Variants in ZZEF1 observed in about 807,000 individuals in gnomAD.
ZZEF1 encodes the protein zinc finger ZZ-type and EF-hand domain-containing protein 1.
A neutral mutation model predicts 342.8 loss-of-function variants in ZZEF1; 157 were observed. The ratio of observed to expected loss-of-function variants is 0.46; its 90% CI spans 0.40 to 0.52. The LOEUF is 0.52. Ranked by LOEUF, ZZEF1 falls within the 20% of genes least tolerant of loss-of-function variation. The pLI, the probability that ZZEF1 is intolerant of heterozygous loss-of-function variation, is 0.00. For missense variants in ZZEF1, 3,480 were observed against 3,725.6 expected (o/e 0.93, Z 1.72); for synonymous variants, 1,505 against 1,429.1 (o/e 1.05, Z -1.20).
rs150302422 is a variant in ZZEF1 at position 4,104,669 on chromosome 17, T to C, written c.1537A>G (p.Met513Val). The change falls in exon 8 of 55, where the codon ATG becomes GTG. Residue 513 changes from methionine to valine, a missense_variant. Transcript: ENST00000381638. ...QYDASSLILS[M>V]ASVRQNLLLK... ...AGCAGGTTCTGTCTGACTGACGCCA[T>C]GGACAAGATGAGGGATGAGGCATCA... The C allele has an allele frequency of 1.3e-4, 206 of 1,613,986 alleles. No homozygotes were observed. The highest frequency in any genetic ancestry group is 1.7e-4 in the Non-Finnish European group (197 of 1,180,006).
intron 2 of ZZEF1, among the ~76,000 whole-genome samples, chr17:4,117,648 CAAAAAA>C (rs61155656): frequency 3.4e-5 from 3 of 89,050 alleles, no homozygotes. Flanking sequence ...AACTCCACCT[CAAAAAA>C]AAAAAAAAAA....
chr17:4,109,664 C>A lies in ZZEF1; in HGVS notation c.1266G>T (p.Leu422=). The change falls in exon 6 of 55, where the codon CTG becomes CTT. Residue 422 remains leucine (L), a synonymous_variant. Coordinates refer to ENST00000381638, the MANE Select transcript of ZZEF1 (RefSeq NM_015113.4). ...AGAGAATGACTTACTGAGTATTGTG[C>A]AGCACTGTCTGGACAAAGGCGGGAT... ...ETNPAFVQTV[L]HNTQKALRHM... 6.2e-7 allele frequency: 1 copy of A among 1,614,072 alleles called. No individual in the cohort carries two copies. The highest frequency in any genetic ancestry group is 8.5e-7 in the Non-Finnish European group (1 of 1,179,976).
chr17:4,025,046 T>C lies in ZZEF1; in HGVS notation c.6965A>G (p.Tyr2322Cys). Residue 2322 changes from tyrosine (Y) to cysteine (C), a missense_variant, in exon 43 of 55, where the codon TAC becomes TGC. By Grantham distance (194) the Tyr-to-Cys change is radical (BLOSUM62 -2). Transcript: ENST00000381638. ...CGDSRAQLSQYSQHFAFIASH... is the reference protein window; with the variant it reads ...CGDSRAQLSQCSQHFAFIASH... ...GGCGATAAAGGCAAAGTGCTGGGAGTACTGGCTCAGCTGGGCCCGAGAGTC... is the reference window on the plus strand; with the variant it reads ...GGCGATAAAGGCAAAGTGCTGGGAGCACTGGCTCAGCTGGGCCCGAGAGTC... 6.8e-6 allele frequency: 11 copies of C among 1,614,074 alleles called. No individual in the cohort carries two copies. Among genetic ancestry groups the C allele is most frequent in the Non-Finnish European group, 8.5e-6 (10 of 1,180,024 alleles).
At position 4,070,783 on chromosome 17, in the gene ZZEF1, CT is replaced by C; in HGVS notation, c.3975del (p.Asp1326IlefsTer2). On this transcript the variant is annotated frameshift_variant, in exon 26 of 55. Transcript: ENST00000381638. LOFTEE classifies it high-confidence loss of function. The stretch of plus-strand genomic sequence containing the variant: ...TCAATAGTGGAACCAGCAACTATAT[CT>C]GTCTTTGGGGCCTGTTTTCTACATG... Reference protein sequence around the residue: ...IQACRKQAPKTDIVAGSTIDQ... With the variant: ...IQACRKQAPKXDIVAGSTIDQ... 1 of 1,614,140 alleles carries C rather than the reference CT, an allele frequency of 6.2e-7. No individual in the cohort carries two copies. The highest frequency in any genetic ancestry group is 1.3e-5 in the African/African-American group (1 of 75,034).
At chr17:4,022,384 AT>A in intron 44 of ZZEF1, 1 of 225,580 alleles carries the variant, frequency 4.4e-6, no homozygotes. Flanking sequence ...TTAGAGACTG[AT>A]TTTGGCTGAA....
At chr17:4,123,038 G>T in intron 2 of ZZEF1, among the ~76,000 whole-genome samples, 1 of 150,288 alleles carries the variant, frequency 6.7e-6, no homozygotes, top group African/African-American at 2.4e-5. Context: ...TCCTGCCTCA[G>T]CCTCCCGAGT....
intron 2 of ZZEF1, among the ~76,000 whole-genome samples, chr17:4,119,371 G>A (rs4790169): frequency 0.51 from 77,218 of 152,080 alleles, 22,049 homozygotes; most frequent in East Asian, 0.74. Context: ...AATCCCTCCA[G>A]GAGTGCGATA....
intron 23 of ZZEF1, among the ~76,000 whole-genome samples, chr17:4,074,684 G>C (rs2057574874): frequency 6.6e-6 from 1 of 152,174 alleles, no homozygotes; most frequent in Non-Finnish European, 1.5e-5. Flanking sequence ...AACAGTCTGA[G>C]GCAGTACTAA....
In ZZEF1 at chr17:4,034,159, A is replaced by C. The variant is rs771805223; in HGVS notation, c.6440T>G (p.Leu2147Arg). 3.1e-6 allele frequency: 5 copies of C among 1,614,176 alleles called. No homozygotes were observed. Among genetic ancestry groups the C allele is most frequent in the Non-Finnish European group, 4.2e-6 (5 of 1,180,038 alleles). The part of the protein sequence containing the change: ...LGLLGQLIIR[L>R]LPAEVDAAVI... ...TGCGGCGTCTACCTCTGCTGGCAAA[A>C]GACGGATAATTAACTGGCCGAGAAG... The change falls in exon 40 of 55, where the codon CTT becomes CGT. Residue 2147 changes from leucine (L) to arginine (R), a missense_variant. By Grantham distance (102) the Leu-to-Arg change is moderately radical (BLOSUM62 -2). Around this residue, in one of 5 missense-constraint regions of ZZEF1, gnomAD observed 1,269 missense variants for 1,342.4 expected, o/e 0.95. Transcript: ENST00000381638.
chr17:4,130,141 G>A (rs998208559), intron 1 of ZZEF1, among the ~76,000 whole-genome samples: 1 of 152,002 alleles, frequency 6.6e-6, no homozygotes, highest in East Asian at 1.9e-4. Flanking sequence ...ATGTACCCCA[G>A]AACCTAAAAA....
At chr17:4,029,987 G>A in intron 42 of ZZEF1, among the ~76,000 whole-genome samples, 1 of 147,232 alleles carries the variant, frequency 6.8e-6, no homozygotes, top group Admixed American at 6.8e-5. Context: ...CCTGAGCCCA[G>A]CAGTTTGAGA....
In ZZEF1 at chr17:4,006,863, C is replaced by G. The variant is rs774887395; in HGVS notation, c.*27G>C. 2.6e-6 allele frequency: 4 copies of G among 1,562,716 alleles called. No homozygotes were observed. Among genetic ancestry groups the G allele is most frequent in the Non-Finnish European group, 3.5e-6 (4 of 1,151,936 alleles). ...CTCTAAAATCCCTGTGGCAGATGAA[C>G]TAGTCCCATGCACGCCCCACCAAGG... On this transcript the variant is annotated 3_prime_UTR_variant, in exon 55 of 55. Coordinates refer to ENST00000381638, the MANE Select transcript of ZZEF1 (RefSeq NM_015113.4).
intron 2 of ZZEF1, among the ~76,000 whole-genome samples, chr17:4,118,391 G>C (rs2145520967): frequency 6.6e-6 from 1 of 152,300 alleles, no homozygotes; most frequent in East Asian, 1.9e-4. Context: ...ATCTGCAAAA[G>C]ATAGTAGGGC....
chr17:4,114,455 A>G lies in ZZEF1; in HGVS notation c.710T>C (p.Leu237Pro). 6.4e-7 allele frequency: 1 copy of G among 1,571,492 alleles called. No homozygotes were observed. The highest frequency in any genetic ancestry group is 8.6e-7 in the Non-Finnish European group (1 of 1,158,542). The change falls in exon 4 of 55, where the codon CTA becomes CCA. Residue 237 changes from leucine to proline, a missense_variant. By Grantham distance (98) the Leu-to-Pro change is moderately conservative (BLOSUM62 -3). Transcript: ENST00000381638. ...TTTATCCATCTCTGGACTTCTAGTT[A>G]GATCTCCAGGGCTTTCTGTAGGGGA... ...VQKEKESPGD[L>P]TRSPEMDKLK...
In ZZEF1 at chr17:4,090,720, T is replaced by G; in HGVS notation, c.2024A>C (p.Lys675Thr). 6.2e-7 allele frequency: 1 copy of G among 1,613,666 alleles called. No homozygotes were observed. The highest frequency in any genetic ancestry group is 8.5e-7 in the Non-Finnish European group (1 of 1,179,662). ...DVKLQQCRVA[K>T]YLMVKFLCTR... is the part of the protein sequence containing the mutation. ...GGCAAACGACGCACTAATGCTTACT[T>G]TGGCAACTCTGCACTGTTGCAGCTT... is the stretch of plus-strand genomic sequence containing the variant. The change falls in exon 12 of 55, where the codon AAA (lysine) becomes ACA (threonine). Residue 675 changes from lysine to threonine, a missense_variant and splice_region_variant. Physicochemically the swap from Lys to Thr is moderately conservative, Grantham distance 78. Around this residue, in one of 5 missense-constraint regions of ZZEF1, gnomAD observed 1,528 missense variants for 1,624.1 expected, o/e 0.94. Coordinates refer to ENST00000381638, the MANE Select transcript of ZZEF1 (RefSeq NM_015113.4).
At chr17:4,062,981 T>TC (rs2057316565) in intron 29 of ZZEF1, 64 bp from the exon 30 acceptor site, 4 of 1,526,972 alleles carry the variant, frequency 2.6e-6, no homozygotes, top group East Asian at 2.3e-5. Flanking sequence ...ACGGAAAATA[T>TC]CCCCGCCAAA....
intron 1 of ZZEF1, among the ~76,000 whole-genome samples, chr17:4,124,483 C>T (rs919322312): frequency 6.6e-6 from 1 of 152,188 alleles, no homozygotes; most frequent in Non-Finnish European, 1.5e-5. Flanking sequence ...TTTCTTGTCG[C>T]CCAGGCCGGA....
intron 30 of ZZEF1, 152 bp downstream of exon 30, chr17:4,062,601 C>G (rs1419447844): frequency 2.4e-6 from 2 of 839,834 alleles, no homozygotes; most frequent in Non-Finnish European, 3.5e-6. Flanking sequence ...AGGATATAAC[C>G]CATCTTTCCT....
intron 18 of ZZEF1, among the ~76,000 whole-genome samples, chr17:4,078,638 A>G (rs1269068748): frequency 6.6e-6 from 1 of 152,248 alleles, no homozygotes; most frequent in Non-Finnish European, 1.5e-5. Context: ...AGCCATGAAA[A>G]GGCATGTGGA....
Sources: gnomAD v4.1 joint callset for allele counts (sites outside exome capture counted in the v4.1 genomes callset) on GRCh38, gnomAD v4.1.1 for gene constraint, gnomAD v4.1.1 regional missense constraint, MANE v1.5 for transcripts, NCBI Gene and HGNC (gene_info 2026-07-23, HGNC 2026-07-21) for gene names.